SCUBE3: variants seen among roughly 807,000 people sequenced by gnomAD.
SCUBE3 encodes signal peptide, CUB domain and EGF like domain containing 3, also known as signal peptide, CUB and EGF-like domain-containing protein 3.
SCUBE3 carries 33 observed loss-of-function variants against 116.8 expected under a neutral mutation model. The ratio of observed to expected loss-of-function variants is 0.28; its 90% CI spans 0.21 to 0.38. The LOEUF is 0.38. Ranked by LOEUF, SCUBE3 falls within the 10% of genes least tolerant of loss-of-function variation. The pLI is 1.00. For missense variants in SCUBE3, 1,007 were observed against 1,324.8 expected (o/e 0.76, Z 3.72); for synonymous variants, 418 against 496.9 (o/e 0.84, Z 2.11).
chr6:35,238,261 A>G (rs983466559), intron 7 of SCUBE3, among the ~76,000 whole-genome samples: 3 of 151,922 alleles, frequency 2.0e-5, no homozygotes, highest in Non-Finnish European at 4.4e-5. Context: ...TCTCATTCCT[A>G]TCCCCCATGG....
rs1469536776 is a variant in SCUBE3, at chr6:35,240,345, T to C, written c.953-29T>C. 1 of 1,417,332 alleles carries C rather than the reference T, an allele frequency of 7.1e-7. No individual in the cohort carries two copies. Among genetic ancestry groups the C allele is most frequent in the East Asian group, 2.3e-5 (1 of 42,720 alleles). The allele number at this position is 1,417,332 out of a possible 1,614,324, so 87.8% of individuals were successfully genotyped here. A position where few individuals can be genotyped will look rare whatever the true frequency, so the allele number is the denominator to read the frequency against. On this transcript the variant is annotated intron_variant, in intron 8 of 21. Coordinates refer to ENST00000274938, the MANE Select transcript of SCUBE3 (RefSeq NM_152753.4). This position sits in a 1 kb window ranked among gnomAD's most constrained non-coding sequence, Gnocchi z 4.6. ...CAAGGGTCAAGTGCTCCAAGACAGA[T>C]TCAGTGGCTTGAATCTTTGCTCTTC...
Position 35,241,991 on chromosome 6 carries a change from G to A in SCUBE3, c.1417+81G>A. 9.3e-7 allele frequency: 1 copy of A among 1,072,942 alleles called. No homozygotes were observed. Among genetic ancestry groups the A allele is most frequent in the Admixed American group, 1.7e-5 (1 of 58,262 alleles). 66.5% of individuals were successfully genotyped at this position (1,072,942 alleles called of 1,614,324 possible). On this transcript the variant is annotated intron_variant, in intron 12 of 21. Coordinates refer to ENST00000274938, the MANE Select transcript of SCUBE3 (RefSeq NM_152753.4). This position sits in a 1 kb window ranked among gnomAD's most constrained non-coding sequence, Gnocchi z 4.1. ...ATTTTTGTTCTTCATCAATCCCCTGGCCTTCCTTTCTCCTGGATCCTCTTT... is the reference window on the plus strand; with the variant it reads ...ATTTTTGTTCTTCATCAATCCCCTGACCTTCCTTTCTCCTGGATCCTCTTT...
rs1783941191 is a variant in SCUBE3, at chr6:35,239,586, G to GAGAGACAGGAAAGAGAAAGAGAA, written c.830-157_830-135dup. ...AAGAAACAGAGACAGGAAAGAGAGA[G>GAGAGACAGGAAAGAGAAAGAGAA]AGAGACAGGAAAGAGAAAGAGAAAG... On this transcript the variant is annotated intron_variant, in intron 7 of 21. Coordinates refer to ENST00000274938, the MANE Select transcript of SCUBE3 (RefSeq NM_152753.4). This position sits in a 1 kb window ranked among gnomAD's most constrained non-coding sequence, Gnocchi z 4.1. 6.6e-6 allele frequency among the ~76,000 whole-genome samples: 1 copy of GAGAGACAGGAAAGAGAAAGAGAA among 152,176 alleles called. No homozygotes were observed. The highest frequency in any genetic ancestry group is 2.4e-5 in the African/African-American group (1 of 41,410).
chr6:35,228,757 G>C lies in SCUBE3; in HGVS notation c.334+18G>C. ...CTGTCTGGGTAAGCAAAGGAGAGGG[G>C]ATTTGGTGGAGGGATGTCTTGTGGA... On this transcript the variant is annotated intron_variant, in intron 3 of 21. Coordinates refer to ENST00000274938, the MANE Select transcript of SCUBE3 (RefSeq NM_152753.4). The surrounding 1 kb of genome is among the most constrained non-coding windows in gnomAD (Gnocchi z 4.9). The C allele has an allele frequency of 6.2e-7, 1 of 1,613,344 alleles. No homozygotes were observed. Among genetic ancestry groups the C allele is most frequent in the Non-Finnish European group, 8.5e-7 (1 of 1,179,302 alleles).
Position 35,214,088 on chromosome 6 carries a change from G to A in SCUBE3, c.-331G>A, listed in dbSNP as rs1195155035. 2.0e-5 allele frequency among the ~76,000 whole-genome samples: 3 copies of A among 152,206 alleles called. No individual in the cohort carries two copies. Reference sequence around the variant, plus strand: ...TCTCTCCCGGCGAAGCTGGGAATTGGGTGGGATTACACGGAGCAGCCCCGC... The same window carrying A: ...TCTCTCCCGGCGAAGCTGGGAATTGAGTGGGATTACACGGAGCAGCCCCGC... On this transcript the variant is annotated 5_prime_UTR_variant, in exon 1 of 22. Transcript: ENST00000274938. The surrounding 1 kb of genome is among the most constrained non-coding windows in gnomAD (Gnocchi z 6.3).
chr6:35,242,442 C>G, intron 13 of SCUBE3, 122 bp downstream of exon 13: 1 of 913,034 alleles, frequency 1.1e-6, no homozygotes, highest in Admixed American at 2.0e-5. Context: ...GAGGAAAAAG[C>G]AGCTGTAGGC....
In SCUBE3 at chr6:35,248,863, TC is replaced by T. The variant is rs2150319318; in HGVS notation, c.*159del. The T allele has an allele frequency of 1.6e-6, 1 of 631,026 alleles. No individual in the cohort carries two copies. The highest frequency in any genetic ancestry group is 2.0e-5 in the South Asian group (1 of 50,786). The allele number at this position is 631,026 out of a possible 1,614,324, so 39.1% of individuals were successfully genotyped here. A position where few individuals can be genotyped will look rare whatever the true frequency, so the allele number is the denominator to read the frequency against. On this transcript the variant is annotated 3_prime_UTR_variant, in exon 22 of 22. Transcript: ENST00000274938. ...ACCAGGCACTCTCCCTTTCTGTCTT[TC>T]TAGTTTCCTTTCCTTGTCTCTCTCT... is the stretch of plus-strand genomic sequence containing the variant.
In SCUBE3 at chr6:35,251,350, C is replaced by T. The variant is rs1228780788; in HGVS notation, c.*2645C>T. ...ATTTTTAGTAGAGATGGGGTTTCACCATGTTGCCCGGGCTGGTCTTGAACT... is the reference window on the plus strand; with the variant it reads ...ATTTTTAGTAGAGATGGGGTTTCACTATGTTGCCCGGGCTGGTCTTGAACT... On this transcript the variant is annotated 3_prime_UTR_variant, in exon 22 of 22. Coordinates refer to ENST00000274938, the MANE Select transcript of SCUBE3 (RefSeq NM_152753.4). The T allele has an allele frequency of 6.6e-6, 1 of 151,392 alleles. No individual in the cohort carries two copies. Among genetic ancestry groups the T allele is most frequent in the Non-Finnish European group, 1.5e-5 (1 of 67,906 alleles). 9.4% of individuals were successfully genotyped at this position (151,392 alleles called of 1,614,324 possible).
intron 1 of SCUBE3, among the ~76,000 whole-genome samples, chr6:35,215,461 A>G (rs930086700): frequency 6.6e-6 from 1 of 152,148 alleles, no homozygotes; most frequent in Non-Finnish European, 1.5e-5. Context: ...CAAGAGATTT[A>G]TATGGACAAA....
intron 6 of SCUBE3, among the ~76,000 whole-genome samples, chr6:35,236,412 G>T (rs987430248): frequency 6.6e-6 from 1 of 152,172 alleles, no homozygotes; most frequent in African/African-American, 2.4e-5. Flanking sequence ...CCCTCCCCCT[G>T]CTCCTGGGCT....
At chr6:35,221,225 G>A (rs1205838023) in intron 1 of SCUBE3, 1 of 152,194 alleles carries the variant, frequency 6.6e-6, no homozygotes, top group Non-Finnish European at 1.5e-5. Context: ...AAAGATCCCT[G>A]TAGCAGCCCC....
chr6:35,226,628 AC>A (rs1481763182), intron 1 of SCUBE3, among the ~76,000 whole-genome samples: 5 of 151,744 alleles, frequency 3.3e-5, no homozygotes, highest in Non-Finnish European at 5.9e-5. Context: ...GATTACAGGC[AC>A]ACATCACCAC....
intron 21 of SCUBE3, among the ~76,000 whole-genome samples, chr6:35,248,127 A>G (rs4711411): frequency 0.68 from 103,039 of 152,076 alleles, 38,032 homozygotes; most frequent in Non-Finnish European, 0.82. Context: ...TAAAAACACA[A>G]AAAGTCACTC....
intron 1 of SCUBE3, among the ~76,000 whole-genome samples, chr6:35,225,341 G>A (rs1166610434): frequency 1.3e-5 from 2 of 152,218 alleles, no homozygotes; most frequent in Non-Finnish European, 2.9e-5. Flanking sequence ...ATCGTTCTGT[G>A]ATAGCACATT....
In SCUBE3 at chr6:35,219,713, G is replaced by A. The variant is rs1783052938; in HGVS notation, c.85+5210G>A. The stretch of plus-strand genomic sequence containing the variant: ...ATGTGGGCATTGGGGGGAGGGCTGG[G>A]GAAGGGGAGTGCTTGAAGGGTAGAC... On this transcript the variant is annotated intron_variant, in intron 1 of 21. Coordinates refer to ENST00000274938, the MANE Select transcript of SCUBE3 (RefSeq NM_152753.4). The surrounding 1 kb of genome is among the most constrained non-coding windows in gnomAD (Gnocchi z 4.7). 6.6e-6 allele frequency among the ~76,000 whole-genome samples: 1 copy of A among 152,160 alleles called. No individual in the cohort carries two copies. Among genetic ancestry groups the A allele is most frequent in the African/African-American group, 2.4e-5 (1 of 41,416 alleles).
chr6:35,217,180 G>A, intron 1 of SCUBE3, among the ~76,000 whole-genome samples: 1 of 138,908 alleles, frequency 7.2e-6, no homozygotes, highest in South Asian at 2.4e-4. Flanking sequence ...TAACTTAAAA[G>A]CATTAATTTG....
Position 35,233,275 on chromosome 6 carries a change from T to G in SCUBE3, c.686T>G (p.Leu229Arg). The change falls in exon 6 of 22, where the codon CTC becomes CGC. Residue 229 changes from leucine to arginine, a missense_variant. Around this residue, in one of 5 missense-constraint regions of SCUBE3, gnomAD observed 214 missense variants for 316.7 expected, o/e 0.68. Transcript: ENST00000274938. This position sits in a 1 kb window ranked among gnomAD's most constrained non-coding sequence, Gnocchi z 5.7. ...PRCGCHIKFV[L>R]HTDGKTCIET... ...TGCGGCTGCCATATCAAGTTTGTGCTCCATACCGACGGGAAGACATGCATC... is the reference window on the plus strand; with the variant it reads ...TGCGGCTGCCATATCAAGTTTGTGCGCCATACCGACGGGAAGACATGCATC... 2 of 1,610,120 alleles carry G rather than the reference T, an allele frequency of 1.2e-6. No homozygotes were observed. Among genetic ancestry groups the G allele is most frequent in the Non-Finnish European group, 1.7e-6 (2 of 1,178,268 alleles).
At chr6:35,242,822 G>A in intron 14 of SCUBE3, 42 bp downstream of exon 14, 1 of 1,601,434 alleles carries the variant, frequency 6.2e-7, no homozygotes, top group South Asian at 1.1e-5. Flanking sequence ...TGGAAGGGGA[G>A]GGCAGAGGTG....
In SCUBE3 at chr6:35,252,659, C is replaced by T. The variant is rs1198383112; in HGVS notation, c.*3954C>T. On this transcript the variant is annotated 3_prime_UTR_variant, in exon 22 of 22. Coordinates refer to ENST00000274938, the MANE Select transcript of SCUBE3 (RefSeq NM_152753.4). ...ACACAAGGATATTTTTACATTTGAC[C>T]CGTCTCAAAAGTAGCACACCCTATC... The T allele has an allele frequency of 6.6e-6, 1 of 152,064 alleles. No homozygotes were observed. Among genetic ancestry groups the T allele is most frequent in the African/African-American group, 2.4e-5 (1 of 41,396 alleles). The allele number at this position is 152,064 out of a possible 1,614,324, so 9.4% of individuals were successfully genotyped here.
Sources: allele counts gnomAD v4.1 joint callset (sites outside exome capture counted in the v4.1 genomes callset), GRCh38; gene constraint gnomAD v4.1.1; regional missense constraint gnomAD v4.1.1; non-coding constraint Gnocchi (gnomAD v3.1); transcripts MANE v1.5; gene names NCBI Gene and HGNC (gene_info 2026-07-23, HGNC 2026-07-21).